The following LGR5 variants were observed in gnomAD, a reference collection of about 807,000 sequenced individuals.
The protein encoded by LGR5 is leucine-rich repeat-containing G protein-coupled receptor 5.
Under a neutral mutation model 76.7 loss-of-function variants are expected in LGR5, and 54 were observed. The observed-to-expected ratio is 0.70, with a 90% CI of 0.57 to 0.88. The LOEUF (loss-of-function observed/expected upper bound fraction) is 0.88, where lower values mean the gene tolerates loss of function less well. LGR5 is among the 40% of genes least tolerant of loss of function. The probability of loss-of-function intolerance (pLI) is 0.00; values close to 1 mark genes in which losing one functional copy is unlikely to be tolerated. For missense variants in LGR5, 1,078 were observed against 1,073.3 expected (o/e 1.00, Z -0.06); for synonymous variants, 406 against 421.9 (o/e 0.96, Z 0.46).
In LGR5 at chr12:71,440,132, C is replaced by A. The variant is rs771817911; in HGVS notation, c.52C>A (p.Leu18Met). ...CCTGTCCTTGCCTGTGCTGCTGCAG[C>A]TGGCGACCGGGGGCAGCTCTCCCAG... Reference protein sequence around the residue: ...VLLSLPVLLQLATGGSSPRSG... With the variant: ...VLLSLPVLLQMATGGSSPRSG... Residue 18 changes from leucine to methionine, a missense_variant, in exon 1 of 18, where the codon CTG becomes ATG. Physicochemically the swap from Leu to Met is conservative, Grantham distance 15. Transcript: ENST00000266674. This position sits in a 1 kb window ranked among gnomAD's most constrained non-coding sequence, Gnocchi z 5.3. 6.2e-7 allele frequency: 1 copy of A among 1,609,048 alleles called. No individual in the cohort carries two copies. Among genetic ancestry groups the A allele is most frequent in the South Asian group, 1.1e-5 (1 of 90,920 alleles).
At chr12:71,571,109 T>A (rs1405333438) in intron 11 of LGR5, among the ~76,000 whole-genome samples, 2 of 152,222 alleles carry the variant, frequency 1.3e-5, no homozygotes, top group Admixed American at 1.3e-4. Context: ...AATTGTTAGG[T>A]TTTTTTAAAG....
intron 1 of LGR5, among the ~76,000 whole-genome samples, chr12:71,460,961 G>T (rs1054164130): frequency 3.3e-5 from 5 of 152,124 alleles, no homozygotes; most frequent in Non-Finnish European, 5.9e-5. Context: ...ACTTCAAAAG[G>T]CTTTCAGAAA....
intron 3 of LGR5, among the ~76,000 whole-genome samples, chr12:71,530,287 A>G (rs1276041197): frequency 1.3e-5 from 2 of 152,230 alleles, no homozygotes; most frequent in African/African-American, 4.8e-5. Context: ...GCTGAACAAG[A>G]TAGTCCTGTC....
intron 1 of LGR5, among the ~76,000 whole-genome samples, chr12:71,470,059 C>T (rs7961692): frequency 0.13 from 20,515 of 152,108 alleles, 1,711 homozygotes; most frequent in African/African-American, 0.24. Context: ...ACATTTCTAC[C>T]TCTGCTAAAA....
intron 1 of LGR5, among the ~76,000 whole-genome samples, chr12:71,449,217 G>A (rs750512934): frequency 3.3e-5 from 5 of 152,078 alleles, no homozygotes; most frequent in Non-Finnish European, 5.9e-5. Flanking sequence ...AAGATGAAGG[G>A]AAGTTTAGAA....
chr12:71,541,878 C>G (rs1876897175), intron 4 of LGR5, among the ~76,000 whole-genome samples: 1 of 152,118 alleles, frequency 6.6e-6, no homozygotes. Flanking sequence ...ACCATTTCAC[C>G]ACCACATTAT....
At chr12:71,532,534 C>T (rs1447406592) in intron 3 of LGR5, among the ~76,000 whole-genome samples, 1 of 152,166 alleles carries the variant, frequency 6.6e-6, no homozygotes, top group Non-Finnish European at 1.5e-5. Context: ...AACTCTCAGG[C>T]ATGGTGTTAA....
In LGR5 at chr12:71,584,444, C is replaced by T. The variant is rs891839810; in HGVS notation, c.2434C>T (p.Pro812Ser). 2.5e-6 allele frequency: 4 copies of T among 1,614,144 alleles called. No homozygotes were observed. The East Asian group carries it at 8.9e-5, about 36-fold the overall frequency. ...KFILLVVVPL[P>S]ACLNPLLYIL... ...TATCCTTCTGGTGGTAGTCCCACTTCCTGCATGTCTCAATCCCCTTCTCTA... is the reference window on the plus strand; with the variant it reads ...TATCCTTCTGGTGGTAGTCCCACTTTCTGCATGTCTCAATCCCCTTCTCTA... The change falls in exon 18 of 18, where the codon CCT (proline) becomes TCT (serine). Residue 812 changes from proline to serine, a missense_variant. By Grantham distance (74) the Pro-to-Ser change is moderately conservative (BLOSUM62 -1). Coordinates refer to ENST00000266674, the MANE Select transcript of LGR5 (RefSeq NM_003667.4).
chr12:71,548,301 C>CTGTGTGTGTG (rs10629001), intron 4 of LGR5, among the ~76,000 whole-genome samples: 4,362 of 104,046 alleles, frequency 0.042, 102 homozygotes, highest in South Asian at 0.077. Flanking sequence ...CCTTGTTGCA[C>CTGTGTGTGTG]TGTGTGTGTG....
chr12:71,560,042 C>G (rs920569941), intron 7 of LGR5, among the ~76,000 whole-genome samples: 2 of 152,040 alleles, frequency 1.3e-5, no homozygotes, highest in African/African-American at 2.4e-5. Context: ...TTGCATAAGT[C>G]TAGAAATAAA....
At chr12:71,449,039 A>G (rs1026154848) in intron 1 of LGR5, among the ~76,000 whole-genome samples, 1 of 152,210 alleles carries the variant, frequency 6.6e-6, no homozygotes, top group Non-Finnish European at 1.5e-5. Flanking sequence ...GACGGAACTG[A>G]GAGACTGTGA....
chr12:71,509,282 T>A (rs1875025580), intron 2 of LGR5, among the ~76,000 whole-genome samples: 1 of 152,182 alleles, frequency 6.6e-6, no homozygotes, highest in Non-Finnish European at 1.5e-5. Context: ...GTTGGTAAAC[T>A]ATATTCTGTA....
At chr12:71,511,241 G>T in intron 2 of LGR5, among the ~76,000 whole-genome samples, 1 of 152,182 alleles carries the variant, frequency 6.6e-6, no homozygotes, top group Non-Finnish European at 1.5e-5. Flanking sequence ...TTTTGCCTTT[G>T]ATTGCTAGAC....
chr12:71,583,576 C>A, intron 17 of LGR5, 71 bp from the exon 18 acceptor site: 5 of 1,509,482 alleles, frequency 3.3e-6, no homozygotes, highest in Non-Finnish European at 4.5e-6. Flanking sequence ...AATAAAGAGA[C>A]AAAAGGGTAA....
rs1565730065 is a variant in LGR5 at position 71,535,149 on chromosome 12, A to G, written c.391A>G (p.Thr131Ala). 1.2e-6 allele frequency: 2 copies of G among 1,612,326 alleles called. No homozygotes were observed. Among genetic ancestry groups the G allele is most frequent in the Non-Finnish European group, 1.7e-6 (2 of 1,178,706 alleles). Reference protein sequence around the residue: ...LQNNQLRHVPTEALQNLRSLQ... With the variant: ...LQNNQLRHVPAEALQNLRSLQ... ...GAATAATCAGCTAAGACACGTACCC[A>G]CAGAAGCTCTGCAGAATTTGCGAAG... is the stretch of plus-strand genomic sequence containing the variant. Residue 131 changes from threonine (T) to alanine (A), a missense_variant, in exon 4 of 18, where the codon ACA becomes GCA. Thr to Ala is a moderately conservative substitution (Grantham distance 58). Coordinates refer to ENST00000266674, the MANE Select transcript of LGR5 (RefSeq NM_003667.4).
intron 1 of LGR5, among the ~76,000 whole-genome samples, chr12:71,445,915 T>A (rs1871967645): frequency 6.6e-6 from 1 of 152,194 alleles, no homozygotes; most frequent in Non-Finnish European, 1.5e-5. Flanking sequence ...TTGGAGAGTA[T>A]GCAAAGGAAC....
chr12:71,583,660 C>A lies in LGR5; in HGVS notation c.1650C>A (p.Pro550=), dbSNP rs1293275468. Residue 550 remains proline, a synonymous_variant, in exon 18 of 18, where the codon CCC becomes CCA. Coordinates refer to ENST00000266674, the MANE Select transcript of LGR5 (RefSeq NM_003667.4). ...TTGGACTTCTAGGCCCCTTCAAACC[C>A]TGTGAACACCTGCTTGATGGCTGGC... ...QCSPSPGPFK[P]CEHLLDGWLI... 1 of 1,612,568 alleles carries A rather than the reference C, an allele frequency of 6.2e-7. No homozygotes were observed.
Position 71,533,911 on chromosome 12 carries a change from C to T in LGR5, c.357-1204C>T, listed in dbSNP as rs565702827. Among the ~76,000 whole-genome samples the T allele has an allele frequency of 2.0e-5, 3 of 152,330 alleles. No individual in the cohort carries two copies. The South Asian group carries it at 6.2e-4, about 32-fold the overall frequency. Reference sequence around the variant, plus strand: ...AATCTGAGAATTTACACAGTCAGCACATATGCCTCAAGAGAATGCTGCCTG... The same window carrying T: ...AATCTGAGAATTTACACAGTCAGCATATATGCCTCAAGAGAATGCTGCCTG... On this transcript the variant is annotated intron_variant, in intron 3 of 17. Coordinates refer to ENST00000266674, the MANE Select transcript of LGR5 (RefSeq NM_003667.4).
intron 2 of LGR5, among the ~76,000 whole-genome samples, chr12:71,514,888 A>AT (rs1875361886): frequency 1.3e-5 from 2 of 152,288 alleles, no homozygotes; most frequent in African/African-American, 4.8e-5. Context: ...GAAAATTGCA[A>AT]TTTTTCAAGG....
Sources: gnomAD v4.1 joint callset for allele counts (sites outside exome capture counted in the v4.1 genomes callset) on GRCh38, gnomAD v4.1.1 for gene constraint, Gnocchi (gnomAD v3.1) non-coding constraint, MANE v1.5 for transcripts, NCBI Gene and HGNC (gene_info 2026-07-23, HGNC 2026-07-21) for gene names.